Variants in ROBO2 observed in about 807,000 individuals in gnomAD.
ROBO2 encodes the protein roundabout homolog 2.
Under a neutral mutation model 160.8 loss-of-function variants are expected in ROBO2, and 53 were observed. The ratio of observed to expected loss-of-function variants is 0.33; its 90% CI spans 0.26 to 0.41. The LOEUF (loss-of-function observed/expected upper bound fraction) is 0.41. Ranked by LOEUF, ROBO2 falls within the 10% of genes least tolerant of loss-of-function variation. The probability of loss-of-function intolerance (pLI) is 1.00; values close to 1 mark genes in which losing one functional copy is unlikely to be tolerated. For missense variants in ROBO2, 1,577 were observed against 1,722.4 expected, an observed-to-expected ratio of 0.92 and a Z score of 1.49; for synonymous variants, 664 against 611.7, an observed-to-expected ratio of 1.09 and a Z score of -1.26.
At chr3:77,415,815 C>A (rs756341604) in intron 2 of ROBO2, among the ~76,000 whole-genome samples, 1 of 152,048 alleles carries the variant, frequency 6.6e-6, no homozygotes, top group Non-Finnish European at 1.5e-5. Flanking sequence ...CAGGTTTGAG[C>A]CCCCAAGAAA....
chr3:76,717,282 A>G (rs192401330), intron 2 of ROBO2, among the ~76,000 whole-genome samples: 1 of 152,200 alleles, frequency 6.6e-6, no homozygotes, highest in Non-Finnish European at 1.5e-5. Context: ...TCACGAGGTC[A>G]GGAGTTCAAG....
chr3:76,640,600 T>C (rs879881171), intron 2 of ROBO2, among the ~76,000 whole-genome samples: 204 of 87,830 alleles, frequency 2.3e-3, no homozygotes, highest in Admixed American at 3.2e-3. Context: ...CGTGTGAGTG[T>C]GTGTGTGTGT....
chr3:77,389,320 T>A (rs947626446), intron 2 of ROBO2, among the ~76,000 whole-genome samples: 2 of 152,140 alleles, frequency 1.3e-5, no homozygotes, highest in Admixed American at 1.3e-4. Flanking sequence ...TGACTGTGCC[T>A]ATGTGTATTT....
intron 20 of ROBO2, 123 bp from the exon 22 acceptor site, chr3:77,607,675 T>C (rs2094551150): frequency 2.3e-6 from 2 of 855,100 alleles, no homozygotes; most frequent in Admixed American, 2.2e-5. Context: ...TCATTGTTTA[T>C]AGCTTTTAAC....
At chr3:76,047,683 G>A (rs1372975316) in intron 2 of ROBO2, among the ~76,000 whole-genome samples, 3 of 152,214 alleles carry the variant, frequency 2.0e-5, no homozygotes, top group Non-Finnish European at 4.4e-5. Flanking sequence ...CGATAGGCTA[G>A]CCTTGAATCC....
chr3:77,637,416 C>T (rs1224677033), intron 24 of ROBO2, among the ~76,000 whole-genome samples: 1 of 152,124 alleles, frequency 6.6e-6, no homozygotes, highest in Non-Finnish European at 1.5e-5. Context: ...TACATACTTT[C>T]CGGTTTACTT....
At chr3:76,025,453 C>G (rs151208816) in intron 2 of ROBO2, among the ~76,000 whole-genome samples, 128 of 151,744 alleles carry the variant, frequency 8.4e-4, no homozygotes, top group African/African-American at 2.9e-3. Context: ...GTGAAAATCA[C>G]CTTCTCTTTA....
intron 2 of ROBO2, among the ~76,000 whole-genome samples, chr3:76,938,918 C>T (rs7650890): frequency 0.47 from 68,973 of 146,232 alleles, 16,212 homozygotes; most frequent in African/African-American, 0.57. Context: ...TTGCAGTGAG[C>T]TGAGATCACG....
At chr3:76,435,115 T>C in intron 2 of ROBO2, 1 of 957,402 alleles carries the variant, frequency 1.0e-6, no homozygotes, top group South Asian at 1.3e-5. Flanking sequence ...TCCATTACAG[T>C]AGATAACTGT....
intron 2 of ROBO2, among the ~76,000 whole-genome samples, chr3:76,517,508 T>A (rs997098129): frequency 1.3e-5 from 2 of 152,130 alleles, no homozygotes; most frequent in African/African-American, 4.8e-5. Flanking sequence ...CAGCGTCACA[T>A]AGATGGCAGC....
intron 2 of ROBO2, among the ~76,000 whole-genome samples, chr3:76,686,205 G>T (rs2092682330): frequency 6.6e-6 from 1 of 151,940 alleles, no homozygotes; most frequent in Admixed American, 6.6e-5. Context: ...GGTGTAGAGA[G>T]GAAAAGGAGT....
intron 2 of ROBO2, among the ~76,000 whole-genome samples, chr3:75,986,211 G>GT (rs74843598): frequency 0.29 from 43,563 of 149,946 alleles, 6,655 homozygotes; most frequent in Admixed American, 0.38. Context: ...GTTATTTTCT[G>GT]TTTTTTTTTA....
At chr3:77,134,778 G>A (rs2076142927) in intron 2 of ROBO2, among the ~76,000 whole-genome samples, 1 of 152,116 alleles carries the variant, frequency 6.6e-6, no homozygotes, top group South Asian at 2.1e-4. Flanking sequence ...TTGTGAAGGA[G>A]GCCACTGCTA....
chr3:76,544,114 T>A (rs2082962491), intron 2 of ROBO2, among the ~76,000 whole-genome samples: 1 of 152,076 alleles, frequency 6.6e-6, no homozygotes, highest in African/African-American at 2.4e-5. Context: ...AATGCCACTT[T>A]GCCAAGACTG....
chr3:76,009,107 CTTTTTT>C (rs1359458860), intron 2 of ROBO2, among the ~76,000 whole-genome samples: 1 of 151,874 alleles, frequency 6.6e-6, no homozygotes, highest in African/African-American at 2.4e-5. Context: ...ATTCTTTTCT[CTTTTTT>C]TGTTTTTGAG....
chr3:77,428,933 G>A (rs2078494095), intron 2 of ROBO2, among the ~76,000 whole-genome samples: 2 of 152,090 alleles, frequency 1.3e-5, no homozygotes, highest in Non-Finnish European at 2.9e-5. Flanking sequence ...TTTTTAAAAA[G>A]TTTATTGAAG....
chr3:77,563,432 C>G, intron 11 of ROBO2, 103 bp downstream of exon 12: 1 of 1,123,196 alleles, frequency 8.9e-7, no homozygotes, highest in Non-Finnish European at 1.3e-6. Flanking sequence ...CATGTCCAAT[C>G]AATGCATTTT....
intron 2 of ROBO2, among the ~76,000 whole-genome samples, chr3:76,864,095 C>G (rs796086678): frequency 3.9e-5 from 6 of 152,078 alleles, no homozygotes; most frequent in African/African-American, 1.4e-4. Flanking sequence ...GAACACGATC[C>G]TTCTCCAGAA....
At chr3:76,793,758 A>C (rs1394584338) in intron 2 of ROBO2, among the ~76,000 whole-genome samples, 1 of 151,652 alleles carries the variant, frequency 6.6e-6, no homozygotes, top group Non-Finnish European at 1.5e-5. Flanking sequence ...TCACTCTGCT[A>C]TTTCTGTATC....
Sources: allele counts gnomAD v4.1 joint callset (sites outside exome capture counted in the v4.1 genomes callset), GRCh38; gene constraint gnomAD v4.1.1; transcripts MANE v1.5; gene names NCBI Gene and HGNC (gene_info 2026-07-23, HGNC 2026-07-21).